The following MTMR7 variants were observed in gnomAD, a reference collection of about 807,000 sequenced individuals.
MTMR7 encodes myotubularin related protein 7.
Under a neutral mutation model 81.2 loss-of-function variants are expected in MTMR7, and 76 were observed. That is an observed-to-expected ratio of 0.94 (90% confidence interval 0.78 to 1.13). The LOEUF is 1.13. MTMR7 is among the 50% of genes most tolerant of loss of function. The pLI, the probability that MTMR7 is intolerant of heterozygous loss-of-function variation, is 0.00. For synonymous variants in MTMR7, 372 were observed against 289.8 expected, an observed-to-expected ratio of 1.28 and a Z score of -2.88; for missense variants, 1,044 against 820.0, an observed-to-expected ratio of 1.27 and a Z score of -3.34.
chr8:17,319,510 T>C (rs1818273899), intron 7 of MTMR7, among the ~76,000 whole-genome samples: 1 of 152,158 alleles, frequency 6.6e-6, no homozygotes, highest in African/African-American at 2.4e-5. Flanking sequence ...GAGACAAACC[T>C]CGAGTTTTTG....
rs182587148 is a variant in MTMR7 at position 17,398,442 on chromosome 8, T to C, written c.24+14827A>G. Among the ~76,000 whole-genome samples, 72 of 152,184 alleles carry C rather than the reference T, an allele frequency of 4.7e-4. 5 individuals are homozygous for C. The highest frequency in any genetic ancestry group is 4.4e-3 in the East Asian group (23 of 5,172). ...GCATCAGAATCTCTTAATAGCAGAA[T>C]TGACCAAGTAGAAGAAAAAAATTAG... On this transcript the variant is annotated intron_variant, in intron 1 of 13. Coordinates refer to ENST00000180173, the MANE Select transcript of MTMR7 (RefSeq NM_004686.5).
rs766557749 is a variant in MTMR7 at position 17,373,253 on chromosome 8, G to A, written c.25-13C>T. ...GGACATTTTCAACCTAGAGAAATCG[G>A]CATGATGAAAAGAGTTACCGTAAAG... On this transcript the variant is annotated splice_polypyrimidine_tract_variant and intron_variant, in intron 1 of 13. Transcript: ENST00000180173. 5.0e-6 allele frequency: 8 copies of A among 1,606,902 alleles called. No homozygotes were observed. The highest frequency in any genetic ancestry group is 1.7e-4 in the Middle Eastern group (1 of 6,046).
intron 4 of MTMR7, among the ~76,000 whole-genome samples, chr8:17,360,777 T>C (rs1820035562): frequency 1.3e-5 from 2 of 151,900 alleles, no homozygotes; most frequent in Non-Finnish European, 2.9e-5. Flanking sequence ...CACTAATCAC[T>C]CACTACACTA....
chr8:17,391,318 T>C (rs1821102041), intron 1 of MTMR7, among the ~76,000 whole-genome samples: 1 of 152,232 alleles, frequency 6.6e-6, no homozygotes, highest in East Asian at 1.9e-4. Flanking sequence ...AAAAATCTTT[T>C]AAAAATGGGA....
chr8:17,304,929 G>C (rs1398666918), intron 11 of MTMR7, among the ~76,000 whole-genome samples: 1 of 152,082 alleles, frequency 6.6e-6, no homozygotes, highest in Non-Finnish European at 1.5e-5. Flanking sequence ...GAGGAATAGA[G>C]AGAATAAGTG....
intron 1 of MTMR7, among the ~76,000 whole-genome samples, chr8:17,386,643 A>G (rs1419695124): frequency 8.4e-6 from 1 of 118,504 alleles, no homozygotes; most frequent in Non-Finnish European, 1.9e-5. Context: ...GGCTCTGCTC[A>G]TGATGGCTCC....
intron 7 of MTMR7, among the ~76,000 whole-genome samples, 158 bp downstream of exon 7, chr8:17,330,987 TAAGAG>T (rs1362580252): frequency 6.6e-6 from 1 of 152,166 alleles, no homozygotes; most frequent in African/African-American, 2.4e-5. Flanking sequence ...TGCTTACAAA[TAAGAG>T]AAACGTTCTT....
At chr8:17,350,652 A>G (rs965490306) in intron 4 of MTMR7, among the ~76,000 whole-genome samples, 3 of 152,152 alleles carry the variant, frequency 2.0e-5, no homozygotes, top group African/African-American at 7.2e-5. Flanking sequence ...ATCTCCACCC[A>G]CCTTTATCAC....
intron 7 of MTMR7, among the ~76,000 whole-genome samples, chr8:17,322,885 A>G (rs1176139517): frequency 6.6e-6 from 1 of 151,502 alleles, no homozygotes; most frequent in Non-Finnish European, 1.5e-5. Flanking sequence ...TATGTAAATA[A>G]TGGGGCTTGG....
At chr8:17,326,718 A>G (rs1423417392) in intron 7 of MTMR7, among the ~76,000 whole-genome samples, 1 of 152,110 alleles carries the variant, frequency 6.6e-6, no homozygotes, top group African/African-American at 2.4e-5. Flanking sequence ...CAACAACCAT[A>G]AGTGCTTGGA....
chr8:17,357,585 C>G (rs1819933646), intron 4 of MTMR7, among the ~76,000 whole-genome samples: 1 of 152,086 alleles, frequency 6.6e-6, no homozygotes, highest in African/African-American at 2.4e-5. Context: ...AAAATGATGT[C>G]GAGCAAAATG....
intron 1 of MTMR7, among the ~76,000 whole-genome samples, chr8:17,396,914 T>C (rs1390958472): frequency 6.6e-6 from 1 of 151,712 alleles, no homozygotes; most frequent in Non-Finnish European, 1.5e-5. Flanking sequence ...GCAGAGTTAG[T>C]TGTGAGGCCC....
chr8:17,351,247 G>C (rs368329460), intron 4 of MTMR7, among the ~76,000 whole-genome samples: 2 of 152,218 alleles, frequency 1.3e-5, no homozygotes, highest in Non-Finnish European at 2.9e-5. Context: ...TTAAATAACA[G>C]TAACATGCAA....
At chr8:17,404,883 C>T (rs1429007301) in intron 1 of MTMR7, among the ~76,000 whole-genome samples, 2 of 152,078 alleles carry the variant, frequency 1.3e-5, no homozygotes, top group Admixed American at 6.5e-5. Context: ...TGGAGTGCAG[C>T]GGCGCGATCT....
At chr8:17,322,082 A>G (rs1347858750) in intron 7 of MTMR7, among the ~76,000 whole-genome samples, 1 of 151,972 alleles carries the variant, frequency 6.6e-6, no homozygotes, top group East Asian at 1.9e-4. Flanking sequence ...CTGAAGTTGA[A>G]ACATATACAG....
At chr8:17,374,083 G>C (rs1163362396) in intron 1 of MTMR7, among the ~76,000 whole-genome samples, 3 of 152,212 alleles carry the variant, frequency 2.0e-5, no homozygotes, top group African/African-American at 4.8e-5. Flanking sequence ...CCACTGCCAA[G>C]GATCAACCAC....
chr8:17,300,815 A>G (rs1478111187), intron 13 of MTMR7, among the ~76,000 whole-genome samples: 5 of 152,172 alleles, frequency 3.3e-5, no homozygotes, highest in Non-Finnish European at 7.3e-5. Context: ...ATCAACTTCT[A>G]TCTCTATGGA....
chr8:17,331,759 A>G (rs576385770), intron 6 of MTMR7, among the ~76,000 whole-genome samples: 2 of 152,314 alleles, frequency 1.3e-5, no homozygotes, highest in African/African-American at 4.8e-5. Context: ...GCATCATTCT[A>G]ATTTGCCCAC....
intron 6 of MTMR7, among the ~76,000 whole-genome samples, chr8:17,332,213 T>C (rs914542312): frequency 1.4e-5 from 2 of 141,318 alleles, no homozygotes; most frequent in Non-Finnish European, 3.0e-5. Flanking sequence ...CACTGAGAAC[T>C]CACCACCAGA....
Sources: allele counts gnomAD v4.1 joint callset (sites outside exome capture counted in the v4.1 genomes callset), GRCh38; gene constraint gnomAD v4.1.1; transcripts MANE v1.5; gene names NCBI Gene and HGNC (gene_info 2026-07-23, HGNC 2026-07-21).